The following GPHN variants were observed in gnomAD, a reference collection of about 807,000 sequenced individuals.
The protein encoded by GPHN is gephyrin.
Under a neutral mutation model 95.5 loss-of-function variants are expected in GPHN, and 17 were observed. That is an observed-to-expected ratio of 0.18 (90% CI 0.12 to 0.27). The LOEUF (loss-of-function observed/expected upper bound fraction) is 0.27. Ranked by LOEUF, GPHN falls within the 10% of genes least tolerant of loss-of-function variation. The pLI, the probability that GPHN is intolerant of heterozygous loss-of-function variation, is 1.00. For synonymous variants in GPHN, 320 were observed against 322.5 expected, an observed-to-expected ratio of 0.99 and a Z score of 0.08; for missense variants, 660 against 978.1, an observed-to-expected ratio of 0.67 and a Z score of 4.34.
chr14:66,689,819 AGTT>A (rs2067656727), intron 2 of GPHN, among the ~76,000 whole-genome samples: 1 of 151,924 alleles, frequency 6.6e-6, no homozygotes, highest in African/African-American at 2.4e-5. Flanking sequence ...GTTGGCGTAT[AGTT>A]GTTCATAATA....
intron 3 of GPHN, among the ~76,000 whole-genome samples, chr14:66,804,981 G>T (rs2060491597): frequency 6.6e-6 from 1 of 152,146 alleles, no homozygotes; most frequent in Non-Finnish European, 1.5e-5. Flanking sequence ...AGGCACTGTT[G>T]TAATTGCTTT....
intron 12 of GPHN, 56 bp downstream of exon 12, chr14:67,089,131 T>A: frequency 2.1e-6 from 1 of 469,644 alleles, no homozygotes; most frequent in Non-Finnish European, 3.0e-6. Flanking sequence ...TTTTCTTTTT[T>A]TCTTTTTTTT....
chr14:66,647,513 C>T (rs2064821147), intron 1 of GPHN, among the ~76,000 whole-genome samples: 1 of 151,724 alleles, frequency 6.6e-6, no homozygotes, highest in Non-Finnish European at 1.5e-5. Context: ...TCCAAGAACC[C>T]TAGTTGATCC....
chr14:67,087,656 TG>T (rs1157907596), intron 11 of GPHN, among the ~76,000 whole-genome samples: 1 of 152,070 alleles, frequency 6.6e-6, no homozygotes, highest in South Asian at 2.1e-4. Flanking sequence ...GAACATCAGA[TG>T]GTCCGAATAT....
the GPHN span, chr14:67,674,514 G>A: frequency 3.8e-6 from 6 of 1,568,720 alleles, no homozygotes; most frequent in Admixed American, 1.9e-5. Flanking sequence ...TGGAGCAGCG[G>A]CCACCGAGAT....
intron 5 of GPHN, among the ~76,000 whole-genome samples, chr14:66,889,149 T>G (rs2064344283): frequency 1.3e-5 from 2 of 152,148 alleles, no homozygotes; most frequent in South Asian, 4.1e-4. Flanking sequence ...CAAGAATAGT[T>G]GAGGAATTCA....
At chr14:67,294,201 C>T in the GPHN span, among the ~76,000 whole-genome samples, 1 of 152,126 alleles carries the variant, frequency 6.6e-6, no homozygotes, top group African/African-American at 2.4e-5. Flanking sequence ...AGTTTGCTTT[C>T]ACGTCCTTAG....
the GPHN span, among the ~76,000 whole-genome samples, chr14:67,408,575 A>G: frequency 6.6e-6 from 1 of 152,146 alleles, no homozygotes; most frequent in Non-Finnish European, 1.5e-5. Context: ...AAATTTGGAC[A>G]CTAAGAGACA....
intron 18 of GPHN, among the ~76,000 whole-genome samples, chr14:67,146,491 G>A (rs2080904650): frequency 6.6e-6 from 1 of 152,122 alleles, no homozygotes; most frequent in African/African-American, 2.4e-5. Flanking sequence ...ATGAAAGGTG[G>A]CAATAATCCA....
chr14:67,225,272 TTTTAA>T, the GPHN span: 1 of 1,488,984 alleles, frequency 6.7e-7, no homozygotes, highest in Non-Finnish European at 8.9e-7. Flanking sequence ...AAAGGTAACT[TTTTAA>T]TTATAAGTCT....
intron 2 of GPHN, among the ~76,000 whole-genome samples, chr14:66,695,807 A>G (rs1011158376): frequency 3.9e-5 from 6 of 152,232 alleles, no homozygotes; most frequent in African/African-American, 1.4e-4. Context: ...GGAAAAGGCA[A>G]AACTATGAAG....
At chr14:67,414,550 G>T in the GPHN span, among the ~76,000 whole-genome samples, 17 of 152,360 alleles carry the variant, frequency 1.1e-4, no homozygotes, top group Non-Finnish European at 8.8e-5. Flanking sequence ...ATGTGGAAGG[G>T]TCCCTGGCCC....
intron 1 of GPHN, among the ~76,000 whole-genome samples, chr14:66,639,956 A>G (rs2064304893): frequency 6.6e-6 from 1 of 152,018 alleles, no homozygotes; most frequent in Non-Finnish European, 1.5e-5. Context: ...TTCATTGGAG[A>G]TTAGGTTAGA....
intron 1 of GPHN, among the ~76,000 whole-genome samples, chr14:66,676,672 A>ATTTTTTTTT (rs56906168): frequency 5.6e-5 from 7 of 126,022 alleles, no homozygotes; most frequent in East Asian, 2.3e-4. Context: ...ATCGTAGTGT[A>ATTTTTTTTT]TTTTTTTTTT....
At chr14:66,861,118 A>T (rs1567030726) in intron 4 of GPHN, among the ~76,000 whole-genome samples, 1 of 152,084 alleles carries the variant, frequency 6.6e-6, no homozygotes, top group Non-Finnish European at 1.5e-5. Context: ...ACAAGACTCA[A>T]TGTTCTGTTA....
the GPHN span, chr14:67,578,022 G>T: frequency 6.2e-7 from 1 of 1,613,002 alleles, no homozygotes. The surrounding 1 kb of genome is among the most constrained non-coding windows in gnomAD (Gnocchi z 5.0). Context: ...TTCCCTCCCA[G>T]TCCTGCCAGC....
Position 67,043,181 on chromosome 14 carries a change from G to A in GPHN, c.1007-15468G>A, listed in dbSNP as rs534209793. ...TACAATCATGTCATCTGCAAACAGAGACAATTTGACTTCTTCTCTTCCTAT... is the reference window on the plus strand; with the variant it reads ...TACAATCATGTCATCTGCAAACAGAAACAATTTGACTTCTTCTCTTCCTAT... On this transcript the variant is annotated intron_variant, in intron 10 of 22. Coordinates refer to ENST00000478722, the MANE Select transcript of GPHN (RefSeq NM_020806.5). Among the ~76,000 whole-genome samples the A allele has an allele frequency of 1.8e-4, 28 of 152,312 alleles. No homozygotes were observed. In the South Asian group the frequency reaches 5.8e-3, roughly 32 times the overall value.
chr14:67,480,500 T>C, the GPHN span, among the ~76,000 whole-genome samples: 4 of 152,072 alleles, frequency 2.6e-5, no homozygotes, highest in Non-Finnish European at 4.4e-5. Context: ...GGGCACAGCC[T>C]CTCACCCCCT....
chr14:66,898,950 A>G lies in GPHN; in HGVS notation c.390-17053A>G, dbSNP rs189812667. Reference sequence around the variant, plus strand: ...AACATGTTTCGTTAGATTTACACTTAAGTATTTAATTGTGTTTTCAGTTAT... The same window carrying G: ...AACATGTTTCGTTAGATTTACACTTGAGTATTTAATTGTGTTTTCAGTTAT... On this transcript the variant is annotated intron_variant, in intron 5 of 22. Transcript: ENST00000478722. Among the ~76,000 whole-genome samples the G allele has an allele frequency of 4.0e-3, 613 of 151,968 alleles. 4 individuals carry two copies. Among genetic ancestry groups the G allele is most frequent in the Non-Finnish European group, 7.4e-3 (505 of 67,826 alleles).
Sources: gnomAD v4.1 joint callset for allele counts (sites outside exome capture counted in the v4.1 genomes callset) on GRCh38, gnomAD v4.1.1 for gene constraint, Gnocchi (gnomAD v3.1) non-coding constraint, MANE v1.5 for transcripts, NCBI Gene and HGNC (gene_info 2026-07-23, HGNC 2026-07-21) for gene names.